The following USO1 variants were observed in gnomAD, a reference collection of about 807,000 sequenced individuals.
USO1 encodes USO1 vesicle transport factor.
In USO1, 57 loss-of-function variants were observed where a neutral mutation model predicts 124.5. The observed-to-expected ratio is 0.46, with a 90% CI of 0.37 to 0.57. The LOEUF is 0.57. USO1 is among the 20% of genes least tolerant of loss of function. The pLI, the probability that USO1 is intolerant of heterozygous loss-of-function variation, is 0.00. For synonymous variants in USO1, 369 were observed against 362.8 expected, an observed-to-expected ratio of 1.02 and a Z score of -0.19; for missense variants, 900 against 1,040.6, an observed-to-expected ratio of 0.86 and a Z score of 1.86.
intron 19 of USO1, among the ~76,000 whole-genome samples, chr4:75,806,117 G>A (rs1238500964): frequency 6.6e-6 from 1 of 151,998 alleles, no homozygotes; most frequent in Non-Finnish European, 1.5e-5. Context: ...TCAGCCTCCC[G>A]AGTAGCTGGG....
At chr4:75,751,463 C>G (rs886609115) in intron 1 of USO1, among the ~76,000 whole-genome samples, 2 of 148,876 alleles carry the variant, frequency 1.3e-5, no homozygotes, top group Non-Finnish European at 3.0e-5. Flanking sequence ...CCACCCGCCT[C>G]GGCCTCCCAA....
At chr4:75,781,576 A>G (rs991130385) in intron 8 of USO1, among the ~76,000 whole-genome samples, 3 of 152,202 alleles carry the variant, frequency 2.0e-5, no homozygotes, top group Admixed American at 1.3e-4. Context: ...AATAAATTAC[A>G]TTATAGTGTA....
chr4:75,771,170 A>G (rs367619488), intron 7 of USO1, 33 bp downstream of exon 7: 5 of 1,570,934 alleles, frequency 3.2e-6, no homozygotes, highest in African/African-American at 2.7e-5. Context: ...ATACAAAAAT[A>G]TGTGGCTTTT....
Position 75,797,228 on chromosome 4 carries a change from T to C in USO1, c.1453-2394T>C, listed in dbSNP as rs1722711182. ...ACTTCAATGTTTATCTTATACTTTC[T>C]GGTTTCTTTTTTTTTCATTTAATTC... is the stretch of plus-strand genomic sequence containing the variant. On this transcript the variant is annotated intron_variant, in intron 13 of 23. Coordinates refer to ENST00000514213, the MANE Select transcript of USO1 (RefSeq NM_003715.4). 3.3e-5 allele frequency among the ~76,000 whole-genome samples: 5 copies of C among 152,026 alleles called. No homozygotes were observed. The South Asian group carries it at 1.0e-3, about 31-fold the overall frequency.
chr4:75,797,700 G>A (rs1722729482), intron 13 of USO1, among the ~76,000 whole-genome samples: 1 of 151,928 alleles, frequency 6.6e-6, no homozygotes, highest in South Asian at 2.1e-4. Context: ...GGAGCGCAGT[G>A]TTGTGATCTC....
At chr4:75,728,944 G>A (rs1358775504) in intron 1 of USO1, among the ~76,000 whole-genome samples, 1 of 151,896 alleles carries the variant, frequency 6.6e-6, no homozygotes, top group African/African-American at 2.4e-5. Context: ...GACTACAGGT[G>A]TCTGCCACCA....
chr4:75,762,274 G>A (rs1405226354), intron 4 of USO1, among the ~76,000 whole-genome samples: 5 of 141,966 alleles, frequency 3.5e-5, no homozygotes, highest in East Asian at 2.2e-4. Context: ...GTATTCAAGC[G>A]ATTCTCATGC....
intron 1 of USO1, among the ~76,000 whole-genome samples, chr4:75,737,908 A>G (rs2016779995): frequency 6.6e-6 from 1 of 151,446 alleles, no homozygotes; most frequent in Non-Finnish European, 1.5e-5. Flanking sequence ...GCTCACTGCA[A>G]CCTCCACCTC....
At chr4:75,792,412 C>A (rs184462467) in intron 12 of USO1, among the ~76,000 whole-genome samples, 1 of 152,296 alleles carries the variant, frequency 6.6e-6, no homozygotes, top group Non-Finnish European at 1.5e-5. Context: ...TGATGCATGC[C>A]TGTAATCCCA....
Position 75,803,785 on chromosome 4 carries a change from C to T in USO1, c.1987-349C>T, listed in dbSNP as rs1478130184. 2.6e-5 allele frequency among the ~76,000 whole-genome samples: 4 copies of T among 151,642 alleles called. No homozygotes were observed. In the East Asian group the frequency reaches 7.7e-4, roughly 29 times the overall value. ...TTTAATATTAAAAATAATATAGAAG[C>T]ATATGTATACATACATATACTAAAT... On this transcript the variant is annotated intron_variant, in intron 17 of 23. Transcript: ENST00000514213.
chr4:75,727,364 TTTCTTGTTCTTGCC>T (rs1720494660), intron 1 of USO1, among the ~76,000 whole-genome samples: 1 of 152,226 alleles, frequency 6.6e-6, no homozygotes, highest in Admixed American at 6.5e-5. Context: ...GAAAGGGTCC[TTTCTTGTTCTTGCC>T]TAACTTTGAG....
At chr4:75,751,457 C>T (rs1047951426) in intron 1 of USO1, among the ~76,000 whole-genome samples, 11 of 149,260 alleles carry the variant, frequency 7.4e-5, no homozygotes, top group African/African-American at 2.7e-4. Flanking sequence ...GGTGATCCAC[C>T]CGCCTCGGCC....
At chr4:75,803,897 G>T (rs1200515645) in intron 17 of USO1, among the ~76,000 whole-genome samples, 3 of 151,926 alleles carry the variant, frequency 2.0e-5, no homozygotes, top group African/African-American at 4.8e-5. Context: ...ATAATTGCAG[G>T]CTATGCCATG....
chr4:75,724,605 A>G lies in USO1; in HGVS notation c.-215A>G, dbSNP rs141901683. 1.3e-4 allele frequency: 73 copies of G among 567,386 alleles called. No homozygotes were observed. Among genetic ancestry groups the G allele is most frequent in the Admixed American group, 1.2e-3 (36 of 30,068 alleles). The allele number at this position is 567,386 out of a possible 1,614,324, so 35.1% of individuals were successfully genotyped here. ...TTTTGCCTTCAACCTTCGAGCCGCCACGTAATGCCACGTCCCCGCGCATGC... is the reference window on the plus strand; with the variant it reads ...TTTTGCCTTCAACCTTCGAGCCGCCGCGTAATGCCACGTCCCCGCGCATGC... On this transcript the variant is annotated 5_prime_UTR_variant, in exon 1 of 24. Transcript: ENST00000514213.
chr4:75,729,397 T>TGACGTAATCTCGGCTCACTGCAGC (rs1720565135), intron 1 of USO1, among the ~76,000 whole-genome samples: 1 of 152,110 alleles, frequency 6.6e-6, no homozygotes, highest in Non-Finnish European at 1.5e-5. Context: ...TGGAGTGCAG[T>TGACGTAATCTCGGCTCACTGCAGC]GACGTAATCT....
In USO1 at chr4:75,757,095, T is replaced by A. The variant is rs949015153; in HGVS notation, c.219-402T>A. On this transcript the variant is annotated intron_variant, in intron 3 of 23. Coordinates refer to ENST00000514213, the MANE Select transcript of USO1 (RefSeq NM_003715.4). ...ATGCATAGATACAAACGTATACATA[T>A]ATATTTTACTAAATGGAATAACTGT... Among the ~76,000 whole-genome samples, 5 of 112,246 alleles carry A rather than the reference T, an allele frequency of 4.5e-5. No homozygotes were observed. The South Asian group carries it at 1.7e-3, about 37-fold the overall frequency. 73.6% of individuals were successfully genotyped at this position (112,246 alleles called of 152,430 possible). A position where few individuals can be genotyped will look rare whatever the true frequency, so the allele number is the denominator to read the frequency against.
chr4:75,804,652 AAT>A (rs1316340877), intron 18 of USO1, among the ~76,000 whole-genome samples: 2 of 152,240 alleles, frequency 1.3e-5, no homozygotes, highest in East Asian at 3.8e-4. Context: ...AGGTGATTCT[AAT>A]GTATAGCTGA....
chr4:75,729,216 A>C (rs965606734), intron 1 of USO1, among the ~76,000 whole-genome samples: 1 of 151,580 alleles, frequency 6.6e-6, no homozygotes, highest in Non-Finnish European at 1.5e-5. Context: ...TACAAATCCT[A>C]CTCATGCTTT....
intron 3 of USO1, among the ~76,000 whole-genome samples, 196 bp from the exon 4 acceptor site, chr4:75,757,301 A>T (rs981364439): frequency 6.6e-6 from 1 of 152,048 alleles, no homozygotes; most frequent in Admixed American, 6.5e-5. Flanking sequence ...TTTTTTTATT[A>T]TTGAGCATTT....
Sources: allele counts gnomAD v4.1 joint callset (sites outside exome capture counted in the v4.1 genomes callset), GRCh38; gene constraint gnomAD v4.1.1; transcripts MANE v1.5; gene names NCBI Gene and HGNC (gene_info 2026-07-23, HGNC 2026-07-21).